The following IRX1 variants were observed in gnomAD, a reference collection of about 807,000 sequenced individuals.
The protein encoded by IRX1 is iroquois-class homeodomain protein IRX-1.
A neutral mutation model predicts 34.1 loss-of-function variants in IRX1; 22 were observed. The ratio of observed to expected loss-of-function variants is 0.64; its 90% CI spans 0.46 to 0.92. The LOEUF (loss-of-function observed/expected upper bound fraction) is 0.92, where lower values mean the gene tolerates loss of function less well. IRX1 is among the 40% of genes least tolerant of loss of function. The pLI is 0.00. For synonymous variants in IRX1, 363 were observed against 319.0 expected, an observed-to-expected ratio of 1.14 and a Z score of -1.47; for missense variants, 758 against 680.0, an observed-to-expected ratio of 1.11 and a Z score of -1.28.
Position 3,601,103 on chromosome 5 carries a change from G to T in IRX1, c.*63G>T, listed in dbSNP as rs1733956644. The T allele has an allele frequency of 1.3e-5, 18 of 1,379,884 alleles. No homozygotes were observed. The highest frequency in any genetic ancestry group is 1.9e-5 in the Non-Finnish European group (18 of 971,224). The allele number at this position is 1,379,884 out of a possible 1,614,324, so 85.5% of individuals were successfully genotyped here. A position where few individuals can be genotyped will look rare whatever the true frequency, so the allele number is the denominator to read the frequency against. On this transcript the variant is annotated 3_prime_UTR_variant, in exon 4 of 4. Coordinates refer to ENST00000302006, the MANE Select transcript of IRX1 (RefSeq NM_024337.4). ...GAGGAGTTGGGGAGGGAGGGAATGT[G>T]GGAGGAATTAAGACAAATATTTCAG...
At chr5:3,600,802 C>A in intron 3 of IRX1, 121 bp downstream of exon 3, 1 of 1,143,762 alleles carries the variant, frequency 8.7e-7, no homozygotes, top group Non-Finnish European at 1.3e-6. Context: ...GTTGAAGGAG[C>A]GCTCCCCGCC....
Position 3,599,531 on chromosome 5 carries a change from G to A in IRX1, c.583G>A (p.Ala195Thr). 6.2e-7 allele frequency: 1 copy of A among 1,614,216 alleles called. No homozygotes were observed. The highest frequency in any genetic ancestry group is 8.5e-7 in the Non-Finnish European group (1 of 1,180,044). ...LKKENKVTWG[A>T]RSKDQEDGAL... is the part of the protein sequence containing the mutation. ...GAAGGAGAACAAGGTGACATGGGGA[G>A]CGCGCAGCAAGGACCAGGAAGATGG... Residue 195 changes from alanine to threonine, a missense_variant, in exon 2 of 4, where the codon GCG becomes ACG. By Grantham distance (58) the Ala-to-Thr change is moderately conservative. This residue lies in a region of IRX1 where 529 missense variants were observed against 418.8 expected (regional missense o/e 1.26). Coordinates refer to ENST00000302006, the MANE Select transcript of IRX1 (RefSeq NM_024337.4). This position sits in a 1 kb window ranked among gnomAD's most constrained non-coding sequence, Gnocchi z 6.6.
chr5:3,598,708 A>C (rs1733862219), intron 1 of IRX1, among the ~76,000 whole-genome samples: 1 of 152,166 alleles, frequency 6.6e-6, no homozygotes, highest in Non-Finnish European at 1.5e-5. Context: ...GGGATGGTTT[A>C]TTTTGATTGA....
chr5:3,599,152 C>T lies in IRX1; in HGVS notation c.277-73C>T. ...ACTCTCCCGTCTTGGGGACTCATGTCTCTCTCTCTCTCTCCCTTTCTCTCT... is the reference window on the plus strand; with the variant it reads ...ACTCTCCCGTCTTGGGGACTCATGTTTCTCTCTCTCTCTCCCTTTCTCTCT... On this transcript the variant is annotated intron_variant, in intron 1 of 3. Coordinates refer to ENST00000302006, the MANE Select transcript of IRX1 (RefSeq NM_024337.4). This position sits in a 1 kb window ranked among gnomAD's most constrained non-coding sequence, Gnocchi z 6.6. 1 of 1,012,086 alleles carries T rather than the reference C, an allele frequency of 9.9e-7. No homozygotes were observed. Among genetic ancestry groups the T allele is most frequent in the Non-Finnish European group, 1.4e-6 (1 of 727,178 alleles). The allele number at this position is 1,012,086 out of a possible 1,614,324, so 62.7% of individuals were successfully genotyped here. A position where few individuals can be genotyped will look rare whatever the true frequency, so the allele number is the denominator to read the frequency against.
rs1180844246 is a variant in IRX1, at chr5:3,595,844, C to G, written c.-262C>G. Among the ~76,000 whole-genome samples, 1 of 151,190 alleles carries G rather than the reference C, an allele frequency of 6.6e-6. No homozygotes were observed. The highest frequency in any genetic ancestry group is 2.4e-5 in the African/African-American group (1 of 41,348). On this transcript the variant is annotated 5_prime_UTR_variant, in exon 1 of 4. Transcript: ENST00000302006. ...TCAACTTCAAATTGTGTCTGAAAGC[C>G]CCGCCGCCGAGCGGAGGGCGGCCGC...
Position 3,600,105 on chromosome 5 carries a change from T to TCA in IRX1, c.1158_1159dup (p.Asn387ThrfsTer67), listed in dbSNP as rs1489924695. 6.2e-7 allele frequency: 1 copy of TCA among 1,613,352 alleles called. No individual in the cohort carries two copies. The highest frequency in any genetic ancestry group is 2.2e-5 in the East Asian group (1 of 44,858). On this transcript the variant is annotated frameshift_variant, in exon 2 of 4. Coordinates refer to ENST00000302006, the MANE Select transcript of IRX1 (RefSeq NM_024337.4). LOFTEE classifies it high-confidence loss of function. ...GCATTCCTCGCACAGGGCTCCCTGC[T>TCA]CAACATGCGCTCCTTCCTGGGCGTT...
rs767522817 is a variant in IRX1 at position 3,596,306 on chromosome 5, G to A, written c.201G>A (p.Ala67=). 7 of 1,466,744 alleles carry A rather than the reference G, an allele frequency of 4.8e-6. No homozygotes were observed. Among genetic ancestry groups the A allele is most frequent in the Non-Finnish European group, 6.3e-6 (7 of 1,111,640 alleles). 90.9% of individuals were successfully genotyped at this position (1,466,744 alleles called of 1,614,324 possible). ...VTSVLGMYAA[A]GPYAGAPNYS... ...CGGTGCTGGGCATGTACGCGGCGGCGGGGCCGTACGCGGGCGCGCCCAACT... is the reference window on the plus strand; with the variant it reads ...CGGTGCTGGGCATGTACGCGGCGGCAGGGCCGTACGCGGGCGCGCCCAACT... The change falls in exon 1 of 4, where the codon GCG becomes GCA. Residue 67 remains alanine (A), a synonymous_variant. Coordinates refer to ENST00000302006, the MANE Select transcript of IRX1 (RefSeq NM_024337.4).
chr5:3,596,391 C>A lies in IRX1; in HGVS notation c.276+10C>A. The A allele has an allele frequency of 2.0e-6, 3 of 1,500,198 alleles. No individual in the cohort carries two copies. The highest frequency in any genetic ancestry group is 2.7e-6 in the Non-Finnish European group (3 of 1,125,488). The allele number at this position is 1,500,198 out of a possible 1,614,324, so 92.9% of individuals were successfully genotyped here. A position where few individuals can be genotyped will look rare whatever the true frequency, so the allele number is the denominator to read the frequency against. On this transcript the variant is annotated intron_variant, in intron 1 of 3. Transcript: ENST00000302006. ...CCTCTTCTCGCAGATGGTGAGTGCG[C>A]CCGGCCTCCCCCGCTTCTCCTCTGT...
At position 3,596,376 on chromosome 5, in the gene IRX1, C is replaced by G; in HGVS notation, c.271C>G (p.Gln91Glu). The G allele has an allele frequency of 1.3e-6, 2 of 1,533,036 alleles. No homozygotes were observed. The highest frequency in any genetic ancestry group is 1.7e-6 in the Non-Finnish European group (2 of 1,143,850). The allele number at this position is 1,533,036 out of a possible 1,614,324, so 95.0% of individuals were successfully genotyped here. ...CGCCGCGGATCTCAGCCTCTTCTCG[C>G]AGATGGTGAGTGCGCCCGGCCTCCC... ...PYAADLSLFSQMGSQYELKDN... is the reference protein window; with the variant it reads ...PYAADLSLFSEMGSQYELKDN... The change falls in exon 1 of 4, where the codon CAG (glutamine) becomes GAG (glutamate). Residue 91 changes from glutamine (Q) to glutamate (E), a missense_variant. This residue lies in a region of IRX1 where 195 missense variants were observed against 195.0 expected (regional missense o/e 1.00). Coordinates refer to ENST00000302006, the MANE Select transcript of IRX1 (RefSeq NM_024337.4).
Position 3,599,154 on chromosome 5 carries a change from C to CT in IRX1, c.277-70dup. On this transcript the variant is annotated intron_variant, in intron 1 of 3. Transcript: ENST00000302006. This position sits in a 1 kb window ranked among gnomAD's most constrained non-coding sequence, Gnocchi z 6.6. ...TCTCCCGTCTTGGGGACTCATGTCT[C>CT]TCTCTCTCTCTCCCTTTCTCTCTCC... 1.4e-6 allele frequency: 2 copies of CT among 1,420,494 alleles called. No homozygotes were observed. Among genetic ancestry groups the CT allele is most frequent in the Non-Finnish European group, 1.9e-6 (2 of 1,043,204 alleles). 88.0% of individuals were successfully genotyped at this position (1,420,494 alleles called of 1,614,324 possible). A position where few individuals can be genotyped will look rare whatever the true frequency, so the allele number is the denominator to read the frequency against.
At chr5:3,597,262 T>C (rs932316548) in intron 1 of IRX1, among the ~76,000 whole-genome samples, 1 of 152,202 alleles carries the variant, frequency 6.6e-6, no homozygotes, top group Non-Finnish European at 1.5e-5. Flanking sequence ...TGTCTGCCGG[T>C]CCAAATCATC....
At chr5:3,596,508 G>A (rs1743700842) in intron 1 of IRX1, 127 bp downstream of exon 1, 2 of 1,022,234 alleles carry the variant, frequency 2.0e-6, no homozygotes, top group South Asian at 3.4e-5. Context: ...AAGGTCCGGG[G>A]GCAGGTTCCC....
In IRX1 at chr5:3,599,099, C is replaced by G; in HGVS notation, c.277-126C>G. ...AGCCCCGCAAAGCGCCTGGGAGGCC[C>G]TCGAGTCCATTGAAGCGGCTGCTTC... On this transcript the variant is annotated intron_variant, in intron 1 of 3. Coordinates refer to ENST00000302006, the MANE Select transcript of IRX1 (RefSeq NM_024337.4). The surrounding 1 kb of genome is among the most constrained non-coding windows in gnomAD (Gnocchi z 6.6). The G allele has an allele frequency of 9.9e-7, 1 of 1,009,840 alleles. No homozygotes were observed. The highest frequency in any genetic ancestry group is 1.4e-6 in the Non-Finnish European group (1 of 704,652). The allele number at this position is 1,009,840 out of a possible 1,614,324, so 62.6% of individuals were successfully genotyped here. A position where few individuals can be genotyped will look rare whatever the true frequency, so the allele number is the denominator to read the frequency against.
intron 1 of IRX1, among the ~76,000 whole-genome samples, chr5:3,597,080 T>A (rs1743713509): frequency 6.6e-6 from 1 of 152,232 alleles, no homozygotes; most frequent in Non-Finnish European, 1.5e-5. Context: ...AGTTTTCATT[T>A]CATTTGCACA....
chr5:3,597,315 G>A lies in IRX1; in HGVS notation c.276+934G>A, dbSNP rs556510030. Among the ~76,000 whole-genome samples, 3 of 152,306 alleles carry A rather than the reference G, an allele frequency of 2.0e-5. No individual in the cohort carries two copies. In the East Asian group the frequency reaches 5.8e-4, roughly 29 times the overall value. Reference sequence around the variant, plus strand: ...CTGCAAGGTCGGTGCTTAAACTTCGGACGGCTGGTGAATTGTGCGGCGGGC... The same window carrying A: ...CTGCAAGGTCGGTGCTTAAACTTCGAACGGCTGGTGAATTGTGCGGCGGGC... On this transcript the variant is annotated intron_variant, in intron 1 of 3. Coordinates refer to ENST00000302006, the MANE Select transcript of IRX1 (RefSeq NM_024337.4).
chr5:3,596,369 C>T lies in IRX1; in HGVS notation c.264C>T (p.Leu88=). The change falls in exon 1 of 4, where the codon CTC becomes CTT. Residue 88 remains leucine, a synonymous_variant. Transcript: ENST00000302006. ...TGCCCTACGCCGCGGATCTCAGCCT[C>T]TTCTCGCAGATGGTGAGTGCGCCCG... The part of the protein sequence containing the change: ...AFLPYAADLS[L]FSQMGSQYEL... 2.0e-6 allele frequency: 3 copies of T among 1,538,126 alleles called. No homozygotes were observed. The highest frequency in any genetic ancestry group is 2.6e-6 in the Non-Finnish European group (3 of 1,146,656).
intron 2 of IRX1, 138 bp from the exon 3 acceptor site, chr5:3,600,471 A>G: frequency 2.2e-6 from 2 of 899,990 alleles, no homozygotes; most frequent in Non-Finnish European, 3.3e-6. Context: ...CGGGCCTGCT[A>G]CGGGGTGGTG....
intron 1 of IRX1, among the ~76,000 whole-genome samples, chr5:3,596,736 C>T (rs927990792): frequency 3.3e-5 from 5 of 152,284 alleles, no homozygotes; most frequent in Non-Finnish European, 7.4e-5. Flanking sequence ...GGCAGGCCCA[C>T]GGGGTTCCTG....
At chr5:3,600,882 C>A (rs1333703134) in intron 3 of IRX1, 101 bp from the exon 4 acceptor site, 4 of 1,339,194 alleles carry the variant, frequency 3.0e-6, no homozygotes, top group Non-Finnish European at 4.3e-6. Context: ...TGGCTGTCGA[C>A]CCCGCCCCCA....
Sources: allele counts gnomAD v4.1 joint callset (sites outside exome capture counted in the v4.1 genomes callset), GRCh38; gene constraint gnomAD v4.1.1; regional missense constraint gnomAD v4.1.1; non-coding constraint Gnocchi (gnomAD v3.1); transcripts MANE v1.5; gene names NCBI Gene and HGNC (gene_info 2026-07-23, HGNC 2026-07-21).